The following DMXL1 variants were observed in gnomAD, a reference collection of about 807,000 sequenced individuals.
The protein encoded by DMXL1 is Dmx like 1.
A neutral mutation model predicts 319.2 loss-of-function variants in DMXL1; 99 were observed. The ratio of observed to expected loss-of-function variants is 0.31; its 90% confidence interval spans 0.26 to 0.37. DMXL1 has a LOEUF of 0.37. DMXL1 is among the 10% of genes least tolerant of loss of function. The probability of loss-of-function intolerance (pLI) is 1.00; values close to 1 mark genes in which losing one functional copy is unlikely to be tolerated. For missense variants in DMXL1, 3,745 were observed against 3,595.6 expected, an observed-to-expected ratio of 1.04 and a Z score of -1.06; for synonymous variants, 1,385 against 1,235.2, an observed-to-expected ratio of 1.12 and a Z score of -2.54.
chr5:119,097,571 G>C (rs1756264196), intron 1 of DMXL1, among the ~76,000 whole-genome samples: 1 of 152,118 alleles, frequency 6.6e-6, no homozygotes, highest in South Asian at 2.1e-4. Flanking sequence ...CAAAAAACTA[G>C]CCGGGCGTGG....
At chr5:119,207,170 A>C (rs916108035) in intron 34 of DMXL1, among the ~76,000 whole-genome samples, 1 of 152,198 alleles carries the variant, frequency 6.6e-6, no homozygotes. Flanking sequence ...TTCTTAATAC[A>C]TGTGATTACA....
At chr5:119,229,703 A>G (rs1262459842) in intron 38 of DMXL1, among the ~76,000 whole-genome samples, 2 of 152,204 alleles carry the variant, frequency 1.3e-5, no homozygotes, top group African/African-American at 2.4e-5. Context: ...TATTTTCAGT[A>G]GTTTTAATTA....
intron 29 of DMXL1, among the ~76,000 whole-genome samples, chr5:119,191,907 A>C (rs1396276603): frequency 6.6e-6 from 1 of 152,188 alleles, no homozygotes; most frequent in Non-Finnish European, 1.5e-5. Context: ...AAAAATAAAT[A>C]CTTCTCTATG....
chr5:119,208,604 C>T (rs1231710038), intron 34 of DMXL1, among the ~76,000 whole-genome samples: 7 of 152,080 alleles, frequency 4.6e-5, no homozygotes, highest in Non-Finnish European at 1.0e-4. Flanking sequence ...TAGTCAGCTT[C>T]ATGCTACGTC....
At chr5:119,084,500 A>T (rs775682669) in intron 1 of DMXL1, among the ~76,000 whole-genome samples, 1 of 152,100 alleles carries the variant, frequency 6.6e-6, no homozygotes, top group Non-Finnish European at 1.5e-5. Flanking sequence ...TTTTAGGGTC[A>T]TTTTTTTCTA....
chr5:119,139,316 C>T (rs140724468), intron 13 of DMXL1, among the ~76,000 whole-genome samples: 33 of 152,224 alleles, frequency 2.2e-4, no homozygotes, highest in African/African-American at 7.7e-4. Flanking sequence ...TAATGCCCCA[C>T]GTAAAAGGTA....
intron 5 of DMXL1, among the ~76,000 whole-genome samples, chr5:119,114,167 A>G (rs1760290788): frequency 6.6e-6 from 1 of 152,236 alleles, no homozygotes; most frequent in Non-Finnish European, 1.5e-5. Flanking sequence ...ATGGTTCTGG[A>G]AACTAGATTT....
intron 9 of DMXL1, among the ~76,000 whole-genome samples, chr5:119,121,885 G>C (rs1338852016): frequency 5.4e-5 from 8 of 148,960 alleles, no homozygotes; most frequent in African/African-American, 7.4e-5. Flanking sequence ...TCACCTCCTG[G>C]ACGGGGCGGC....
chr5:119,110,837 C>G (rs551326590), intron 5 of DMXL1, among the ~76,000 whole-genome samples: 28 of 152,276 alleles, frequency 1.8e-4, no homozygotes, highest in African/African-American at 6.7e-4. Context: ...CAGGATTAGA[C>G]TCTGGAGTGC....
intron 17 of DMXL1, 148 bp from the exon 18 acceptor site, chr5:119,148,591 T>A: frequency 1.4e-6 from 1 of 703,388 alleles, no homozygotes; most frequent in Non-Finnish European, 2.3e-6. Context: ...CTGTCTATTA[T>A]GCAGTTTAAA....
chr5:119,079,092 C>T (rs943892666), intron 1 of DMXL1, among the ~76,000 whole-genome samples: 2 of 152,108 alleles, frequency 1.3e-5, no homozygotes, highest in African/African-American at 2.4e-5. Flanking sequence ...TGTTTGCCAA[C>T]CTCAAATGGG....
chr5:119,170,506 T>C lies in DMXL1; in HGVS notation c.5715T>C (p.Ser1905=). ...SSFLDTSKDC[S]PSSPLKLDAR... is the part of the protein sequence containing the mutation. ...TTCTGGATACTAGTAAAGACTGTTC[T>C]CCTTCTTCTCCATTAAAGTTGGATG... is the stretch of plus-strand genomic sequence containing the variant. The change falls in exon 24 of 44, where the codon TCT becomes TCC. Residue 1905 remains serine, a synonymous_variant. Transcript: ENST00000539542. 1 of 1,613,588 alleles carries C rather than the reference T, an allele frequency of 6.2e-7. No homozygotes were observed. The highest frequency in any genetic ancestry group is 1.1e-5 in the South Asian group (1 of 91,024).
chr5:119,246,472 TA>T (rs1789782512), intron 43 of DMXL1, among the ~76,000 whole-genome samples: 1 of 152,178 alleles, frequency 6.6e-6, no homozygotes, highest in Admixed American at 6.5e-5. Flanking sequence ...GATTTTTAAG[TA>T]TTTTGTGTTA....
chr5:119,100,145 C>G (rs1367733988), intron 2 of DMXL1, among the ~76,000 whole-genome samples: 2 of 152,024 alleles, frequency 1.3e-5, no homozygotes, highest in Non-Finnish European at 2.9e-5. Context: ...GTTCTGGTAC[C>G]TGGGGACTTC....
chr5:119,149,087 G>C lies in DMXL1; in HGVS notation c.3260G>C (p.Gly1087Ala). The C allele has an allele frequency of 6.2e-7, 1 of 1,613,908 alleles. No homozygotes were observed. Among genetic ancestry groups the C allele is most frequent in the Non-Finnish European group, 8.5e-7 (1 of 1,179,870 alleles). The change falls in exon 18 of 44, where the codon GGA (glycine) becomes GCA (alanine). Residue 1087 changes from glycine (G) to alanine (A), a missense_variant. Transcript: ENST00000539542. ...HVSIFECESTGGSCWVLEQTI... is the reference protein window; with the variant it reads ...HVSIFECESTAGSCWVLEQTI... ...AGTATTTTTGAATGTGAGTCAACAG[G>C]AGGTTCATGTTGGGTCCTTGAGCAG...
In DMXL1 at chr5:119,172,068, C is replaced by G. The variant is rs1024977064; in HGVS notation, c.6681+99C>G. 13 of 1,106,272 alleles carry G rather than the reference C, an allele frequency of 1.2e-5. No homozygotes were observed. The Admixed American group carries it at 1.9e-4, about 16-fold the overall frequency. 68.5% of individuals were successfully genotyped at this position (1,106,272 alleles called of 1,614,324 possible). On this transcript the variant is annotated intron_variant, in intron 25 of 43. Coordinates refer to ENST00000539542, the MANE Select transcript of DMXL1 (RefSeq NM_001290321.3). ...TTTTTAAGTAATTTTAAACATCAGA[C>G]TAAGCATAGCAATTGTTACATTGCC... is the stretch of plus-strand genomic sequence containing the variant.
rs1355205185 is a variant in DMXL1, at chr5:119,096,488, T to C, written c.88-1491T>C. On this transcript the variant is annotated intron_variant, in intron 1 of 43. Coordinates refer to ENST00000539542, the MANE Select transcript of DMXL1 (RefSeq NM_001290321.3). ...ACCATGCCCAGCCTGAAGTATAATT[T>C]TTAAATATATGTGCGTGTGCAAAAA... Among the ~76,000 whole-genome samples the C allele has an allele frequency of 5.3e-5, 8 of 152,240 alleles. No homozygotes were observed. The East Asian group carries it at 1.4e-3, about 26-fold the overall frequency.
At chr5:119,114,568 AT>A in intron 6 of DMXL1, 27 bp downstream of exon 6, 1 of 1,504,946 alleles carries the variant, frequency 6.6e-7, no homozygotes, top group South Asian at 1.2e-5. Context: ...CTATTGCCAA[AT>A]TATGTGTTTA....
chr5:119,134,260 C>T lies in DMXL1; in HGVS notation c.2255-8C>T. ...GGTGAAATTTTAATATTTGTAAATA[C>T]TTTCTAGGTGCATACTGCAACTCTC... On this transcript the variant is annotated splice_region_variant and splice_polypyrimidine_tract_variant and intron_variant, in intron 12 of 43. Coordinates refer to ENST00000539542, the MANE Select transcript of DMXL1 (RefSeq NM_001290321.3). 6.2e-7 allele frequency: 1 copy of T among 1,606,700 alleles called. No homozygotes were observed. The highest frequency in any genetic ancestry group is 8.5e-7 in the Non-Finnish European group (1 of 1,178,112).
Sources: allele counts gnomAD v4.1 joint callset (sites outside exome capture counted in the v4.1 genomes callset), GRCh38; gene constraint gnomAD v4.1.1; transcripts MANE v1.5; gene names NCBI Gene and HGNC (gene_info 2026-07-23, HGNC 2026-07-21).